CAPN11: variants seen among roughly 807,000 people sequenced by gnomAD.
CAPN11 encodes calpain-11.
CAPN11 carries 108 observed loss-of-function variants against 105.3 expected under a neutral mutation model. That is an observed-to-expected ratio of 1.03 (90% CI 0.88 to 1.20). CAPN11 has a LOEUF of 1.20. CAPN11 is among the 50% of genes most tolerant of loss of function. The probability of loss-of-function intolerance (pLI) is 0.00; values close to 1 mark genes in which losing one functional copy is unlikely to be tolerated. For missense variants in CAPN11, 883 were observed against 924.8 expected (o/e 0.95, Z 0.59); for synonymous variants, 329 against 344.5 (o/e 0.96, Z 0.50).
chr6:44,180,623 C>T lies in CAPN11; in HGVS notation c.1707C>T (p.Asp569=). The T allele has an allele frequency of 4.3e-6, 7 of 1,613,730 alleles. No homozygotes were observed. The highest frequency in any genetic ancestry group is 5.9e-6 in the Non-Finnish European group (7 of 1,179,796). The change falls in exon 16 of 23, where the codon GAC becomes GAT. Residue 569 remains aspartate (D), a synonymous_variant. Coordinates refer to ENST00000398776, the MANE Select transcript of CAPN11 (RefSeq NM_007058.4). ...QEEKVSEDDM[D]QDFLHLFKIV... ...AAAAGGTCTCTGAGGATGACATGGA[C>T]CAGGACTTCCTACATTTGTTTAAGA...
intron 1 of CAPN11, among the ~76,000 whole-genome samples, chr6:44,160,340 G>A (rs538222590): frequency 3.3e-5 from 5 of 151,810 alleles, no homozygotes; most frequent in East Asian, 2.0e-4. Context: ...CGATCTGGCC[G>A]GGCGCAGTGG....
chr6:44,167,082 G>A (rs191345747), intron 2 of CAPN11, among the ~76,000 whole-genome samples: 2 of 152,146 alleles, frequency 1.3e-5, no homozygotes, highest in South Asian at 4.1e-4. Context: ...AGCCTGACTC[G>A]ACTCTTACCC....
intron 21 of CAPN11, 78 bp downstream of exon 21, chr6:44,183,313 G>GT: frequency 5.7e-6 from 5 of 875,594 alleles, no homozygotes; most frequent in Non-Finnish European, 9.7e-6. Context: ...CCTGATGGGT[G>GT]CTGCTCCAGA....
chr6:44,168,893 T>C (rs35949119), intron 2 of CAPN11: 52,608 of 433,256 alleles, frequency 0.12, 3,441 homozygotes, highest in Middle Eastern at 0.17. Context: ...AATGCTGGGA[T>C]TACAGGTGTG....
At chr6:44,159,341 G>A (rs1486854893) in intron 1 of CAPN11, among the ~76,000 whole-genome samples, 1 of 152,062 alleles carries the variant, frequency 6.6e-6, no homozygotes, top group Non-Finnish European at 1.5e-5. Context: ...GCAGGGGCAG[G>A]ACTACCTGAG....
chr6:44,180,729 T>C lies in CAPN11; in HGVS notation c.1747-19T>C, dbSNP rs201296771. On this transcript the variant is annotated intron_variant, in intron 16 of 22. Transcript: ENST00000398776. ...GGGGCTGGAGGGGCCCGAGTGGGGT[T>C]CACAGTTCCCCTTCCTAGGGCAAGG... is the stretch of plus-strand genomic sequence containing the variant. 1.2e-3 allele frequency: 1,976 copies of C among 1,613,398 alleles called. 7 individuals carry two copies. The highest frequency in any genetic ancestry group is 1.5e-3 in the Non-Finnish European group (1,809 of 1,179,576).
intron 8 of CAPN11, 39 bp downstream of exon 8, chr6:44,176,190 A>AG: frequency 7.3e-7 from 1 of 1,365,524 alleles, no homozygotes; most frequent in Non-Finnish European, 1.0e-6. Flanking sequence ...GAGGACCCTG[A>AG]GAAGGAGGAG....
At chr6:44,175,392 C>T (rs1414275355) in intron 7 of CAPN11, among the ~76,000 whole-genome samples, 2 of 151,510 alleles carry the variant, frequency 1.3e-5, no homozygotes, top group Non-Finnish European at 1.5e-5. Flanking sequence ...AGGTGAGAGG[C>T]TCGTTTGAAT....
At chr6:44,176,438 A>C (rs746036917) in intron 9 of CAPN11, 100 bp downstream of exon 9, 19 of 1,297,182 alleles carry the variant, frequency 1.5e-5, no homozygotes, top group Non-Finnish European at 2.1e-5. Flanking sequence ...CCTGTACAAC[A>C]GGGCAAAGCT....
intron 9 of CAPN11, 62 bp from the exon 10 acceptor site, chr6:44,176,519 G>A: frequency 6.7e-7 from 1 of 1,487,892 alleles, no homozygotes; most frequent in Non-Finnish European, 9.4e-7. Flanking sequence ...CAGTCCCCTG[G>A]AGAGGAAGGA....
chr6:44,160,097 G>A (rs7765579), intron 1 of CAPN11, among the ~76,000 whole-genome samples: 22,280 of 151,490 alleles, frequency 0.15, 1,793 homozygotes, highest in Admixed American at 0.19. Context: ...TCGTGCCACC[G>A]CACCCCAAGC....
chr6:44,184,198 T>A lies in CAPN11; in HGVS notation c.*266T>A. 1.8e-6 allele frequency: 1 copy of A among 553,702 alleles called. No individual in the cohort carries two copies. Among genetic ancestry groups the A allele is most frequent in the Non-Finnish European group, 3.2e-6 (1 of 309,668 alleles). The allele number at this position is 553,702 out of a possible 1,614,324, so 34.3% of individuals were successfully genotyped here. On this transcript the variant is annotated 3_prime_UTR_variant, in exon 23 of 23. Coordinates refer to ENST00000398776, the MANE Select transcript of CAPN11 (RefSeq NM_007058.4). ...CCCCCACCATCGCTCTCTCAGAGTATATTTTACTAAAGAGTAGTTGATGCT... is the reference window on the plus strand; with the variant it reads ...CCCCCACCATCGCTCTCTCAGAGTAAATTTTACTAAAGAGTAGTTGATGCT...
intron 21 of CAPN11, 123 bp from the exon 22 acceptor site, chr6:44,183,582 G>T: frequency 1.1e-6 from 1 of 891,598 alleles, no homozygotes; most frequent in East Asian, 2.6e-5. Context: ...ACTTGGCTAG[G>T]GGATTTATGT....
Position 44,183,703 on chromosome 6 carries a change from A to G in CAPN11, c.2135-2A>G, listed in dbSNP as rs1280762173. On this transcript the variant is annotated splice_acceptor_variant, in intron 21 of 22. Coordinates refer to ENST00000398776, the MANE Select transcript of CAPN11 (RefSeq NM_007058.4). LOFTEE classifies it high-confidence loss of function. ...CTCTCCCCCGCTTCCTCTGTAACGC[A>G]GCATTCTTTCTAACCATGGACCCCA... The G allele has an allele frequency of 1.2e-6, 2 of 1,613,830 alleles. No homozygotes were observed. The highest frequency in any genetic ancestry group is 1.7e-6 in the Non-Finnish European group (2 of 1,179,816).
Position 44,160,312 on chromosome 6 carries a change from A to G in CAPN11, c.16+1448A>G, listed in dbSNP as rs1209535585. On this transcript the variant is annotated intron_variant, in intron 1 of 22. Transcript: ENST00000398776. ...TATACTTTTTTTGTCAATAAAATAA[A>G]ACTGATTTAGTTAAAAACGATCTGG... is the stretch of plus-strand genomic sequence containing the variant. Among the ~76,000 whole-genome samples the G allele has an allele frequency of 2.0e-5, 3 of 151,950 alleles. No individual in the cohort carries two copies. In the East Asian group the frequency reaches 5.9e-4, roughly 30 times the overall value.
rs551817906 is a variant in CAPN11, at chr6:44,176,619, T to A, written c.1040T>A (p.Met347Lys). Residue 347 changes from methionine (M) to lysine (K), a missense_variant, in exon 10 of 23, where the codon ATG becomes AAG. Transcript: ENST00000398776. ...EWEEVASDIQMQLLHKTEDGE... is the reference protein window; with the variant it reads ...EWEEVASDIQKQLLHKTEDGE... ...GAAGAGGTGGCCTCAGACATCCAGA[T>A]GCAGCTGCTGCACAAGACGGAGGAC... 8 of 1,609,462 alleles carry A rather than the reference T, an allele frequency of 5.0e-6. No homozygotes were observed. The African/African-American group carries it at 5.3e-5, about 11-fold the overall frequency.
chr6:44,171,165 C>T (rs751783054), intron 4 of CAPN11, among the ~76,000 whole-genome samples: 2 of 152,164 alleles, frequency 1.3e-5, no homozygotes, highest in South Asian at 2.1e-4. Flanking sequence ...CATTGGTAAT[C>T]ATAGAAACTT....
chr6:44,168,479 A>G (rs1472222793), intron 2 of CAPN11, among the ~76,000 whole-genome samples: 1 of 151,944 alleles, frequency 6.6e-6, no homozygotes, highest in East Asian at 1.9e-4. Flanking sequence ...CAGGTTGGCC[A>G]GGCTGGTCTC....
At chr6:44,176,547 G>T in intron 9 of CAPN11, 34 bp from the exon 10 acceptor site, 3 of 1,595,062 alleles carry the variant, frequency 1.9e-6, no homozygotes, top group Middle Eastern at 1.7e-4. Context: ...CATGACCTCC[G>T]CCCCTCTCCT....
Sources: allele counts gnomAD v4.1 joint callset (sites outside exome capture counted in the v4.1 genomes callset), GRCh38; gene constraint gnomAD v4.1.1; transcripts MANE v1.5; gene names NCBI Gene and HGNC (gene_info 2026-07-23, HGNC 2026-07-21).